The following ADAM2 variants were observed in gnomAD, a reference collection of about 807,000 sequenced individuals.
ADAM2 encodes the protein disintegrin and metalloproteinase domain-containing protein 2.
Under a neutral mutation model 99.3 loss-of-function variants are expected in ADAM2, and 101 were observed. That is an observed-to-expected ratio of 1.02 (90% CI 0.87 to 1.20). ADAM2 has a LOEUF of 1.20. Among genes scored for constraint, ADAM2 ranks in the 50% most tolerant of loss-of-function variants. The probability of loss-of-function intolerance (pLI) is 0.00; values close to 1 mark genes in which losing one functional copy is unlikely to be tolerated. For synonymous variants in ADAM2, 323 were observed against 287.6 expected (o/e 1.12, Z -1.25); for missense variants, 948 against 878.7 (o/e 1.08, Z -1.00).
Position 39,769,396 on chromosome 8 carries a change from T to C in ADAM2, c.1208A>G (p.Glu403Gly). 2.5e-6 allele frequency: 4 copies of C among 1,612,912 alleles called. No homozygotes were observed. The highest frequency in any genetic ancestry group is 1.7e-5 in the Admixed American group (1 of 59,894). ...GTCTTCCGAATTAGTACCAACCTGTTCAGTCCCACAGTCACACTCCTCTCC... is the reference window on the plus strand; with the variant it reads ...GTCTTCCGAATTAGTACCAACCTGTCCAGTCCCACAGTCACACTCCTCTCC... ...EAGEECDCGT[E>G]QDCALIGETC... is the part of the protein sequence containing the mutation. The change falls in exon 12 of 21, where the codon GAA becomes GGA. Residue 403 changes from glutamate to glycine, a missense_variant. Coordinates refer to ENST00000265708, the MANE Select transcript of ADAM2 (RefSeq NM_001464.5).
chr8:39,804,511 T>TA (rs1232360152), intron 7 of ADAM2, among the ~76,000 whole-genome samples: 1 of 151,958 alleles, frequency 6.6e-6, no homozygotes, highest in Non-Finnish European at 1.5e-5. Flanking sequence ...TTGAGAGGCT[T>TA]AAATATAAGA....
intron 10 of ADAM2, among the ~76,000 whole-genome samples, chr8:39,785,167 AC>A (rs1174661928): frequency 6.6e-6 from 1 of 152,074 alleles, no homozygotes; most frequent in African/African-American, 2.4e-5. Context: ...TTCTTCTAGA[AC>A]CCCTTATAGT....
intron 3 of ADAM2, among the ~76,000 whole-genome samples, chr8:39,827,817 T>C (rs900316165): frequency 5.9e-5 from 9 of 152,142 alleles, no homozygotes; most frequent in African/African-American, 2.2e-4. Context: ...ACAAGTTGAC[T>C]GTAGTTAGTA....
chr8:39,798,081 T>C (rs1804044340), intron 7 of ADAM2, among the ~76,000 whole-genome samples: 1 of 152,374 alleles, frequency 6.6e-6, no homozygotes, highest in East Asian at 1.9e-4. Flanking sequence ...CTATGTTGAA[T>C]AGGAGTAGTA....
At chr8:39,812,294 G>A (rs1239843034) in intron 6 of ADAM2, among the ~76,000 whole-genome samples, 1 of 152,158 alleles carries the variant, frequency 6.6e-6, no homozygotes, top group African/African-American at 2.4e-5. Context: ...ACAAATGGAA[G>A]AACATTCCAT....
intron 16 of ADAM2, among the ~76,000 whole-genome samples, chr8:39,750,260 C>T (rs1463306252): frequency 6.6e-6 from 1 of 151,966 alleles, no homozygotes; most frequent in Non-Finnish European, 1.5e-5. Context: ...GCAGTGTGGC[C>T]ATTCAGTCAT....
intron 7 of ADAM2, among the ~76,000 whole-genome samples, chr8:39,794,737 A>ACC (rs760205826): frequency 1.3e-5 from 2 of 151,714 alleles, no homozygotes; most frequent in Non-Finnish European, 2.9e-5. Context: ...TCTCATGCAC[A>ACC]CCCCCTTAGA....
In ADAM2 at chr8:39,821,575, T is replaced by C; in HGVS notation, c.344+11A>G. On this transcript the variant is annotated intron_variant, in intron 5 of 20. Transcript: ENST00000265708. ...TTTTATTTTGTAATTCATAAAACAGTAAATTACAACCTGAGTCCAGTACAT... is the reference window on the plus strand; with the variant it reads ...TTTTATTTTGTAATTCATAAAACAGCAAATTACAACCTGAGTCCAGTACAT... 1 of 1,552,770 alleles carries C rather than the reference T, an allele frequency of 6.4e-7. No homozygotes were observed. Among genetic ancestry groups the C allele is most frequent in the South Asian group, 1.1e-5 (1 of 87,984 alleles).
chr8:39,759,257 G>A (rs548045182), intron 15 of ADAM2, among the ~76,000 whole-genome samples: 10 of 151,914 alleles, frequency 6.6e-5, no homozygotes, highest in Non-Finnish European at 1.5e-4. Flanking sequence ...TGATAAACAT[G>A]CCAAAATGTA....
At chr8:39,755,689 A>G (rs780899342) in intron 16 of ADAM2, 39 bp downstream of exon 16, 4 of 1,526,368 alleles carry the variant, frequency 2.6e-6, no homozygotes, top group Middle Eastern at 1.7e-4. Flanking sequence ...GCAAAGTCTA[A>G]AATATTAGGA....
At chr8:39,771,038 C>T (rs1802759561) in intron 11 of ADAM2, among the ~76,000 whole-genome samples, 3 of 152,162 alleles carry the variant, frequency 2.0e-5, no homozygotes, top group South Asian at 4.1e-4. Context: ...TTTAAATTCA[C>T]CTATAGTTAC....
At chr8:39,783,412 C>G (rs532992805) in intron 10 of ADAM2, among the ~76,000 whole-genome samples, 1 of 151,910 alleles carries the variant, frequency 6.6e-6, no homozygotes, top group Non-Finnish European at 1.5e-5. Flanking sequence ...CACATTTGCT[C>G]TATATATTTT....
intron 8 of ADAM2, 109 bp downstream of exon 8, chr8:39,788,560 A>T (rs979129369): frequency 2.8e-6 from 2 of 723,422 alleles, no homozygotes; most frequent in East Asian, 6.2e-5. Flanking sequence ...AATAAAACTT[A>T]ATTTCCCTTA....
intron 3 of ADAM2, among the ~76,000 whole-genome samples, chr8:39,825,772 A>G (rs1254856849): frequency 6.6e-6 from 1 of 152,174 alleles, no homozygotes; most frequent in Non-Finnish European, 1.5e-5. Context: ...AGGAAAAAAA[A>G]GTCAGAAAAC....
chr8:39,824,766 G>C, intron 4 of ADAM2, 53 bp downstream of exon 4: 1 of 917,300 alleles, frequency 1.1e-6, no homozygotes, highest in African/African-American at 1.7e-5. Flanking sequence ...CACTAAATAA[G>C]GTGATCATAG....
At chr8:39,766,807 G>GA (rs146941165) in intron 14 of ADAM2, 41 bp downstream of exon 14, 52,825 of 1,421,580 alleles carry the variant, frequency 0.037, 1,126 homozygotes, top group Non-Finnish European at 0.044. Flanking sequence ...TCAGTTTCCA[G>GA]AAAAAAACGC....
At chr8:39,800,132 A>C (rs1804139687) in intron 7 of ADAM2, among the ~76,000 whole-genome samples, 1 of 152,068 alleles carries the variant, frequency 6.6e-6, no homozygotes, top group Non-Finnish European at 1.5e-5. Flanking sequence ...TGGGTCTTTA[A>C]GTTTTGGTGC....
At chr8:39,810,385 C>A (rs986690353) in intron 6 of ADAM2, among the ~76,000 whole-genome samples, 34 of 152,138 alleles carry the variant, frequency 2.2e-4, no homozygotes, top group African/African-American at 8.2e-4. Flanking sequence ...AGAGACAGAA[C>A]GTTAACAAGG....
intron 3 of ADAM2, among the ~76,000 whole-genome samples, chr8:39,833,498 C>T (rs1805697728): frequency 6.6e-6 from 1 of 152,018 alleles, no homozygotes; most frequent in Non-Finnish European, 1.5e-5. Flanking sequence ...TTGAATTTGG[C>T]TAATTACAAA....
Sources: gnomAD v4.1 joint callset for allele counts (sites outside exome capture counted in the v4.1 genomes callset) on GRCh38, gnomAD v4.1.1 for gene constraint, MANE v1.5 for transcripts, NCBI Gene and HGNC (gene_info 2026-07-23, HGNC 2026-07-21) for gene names.